The following DAGLB variants were observed in gnomAD, a reference collection of about 807,000 sequenced individuals.
DAGLB encodes the protein diacylglycerol lipase beta.
A neutral mutation model predicts 72.1 loss-of-function variants in DAGLB; 66 were observed. The observed-to-expected ratio is 0.92, with a 90% confidence interval of 0.75 to 1.12. DAGLB has a LOEUF of 1.12. Ranked by LOEUF, DAGLB falls within the 50% of genes most tolerant of loss-of-function variation. The pLI is 0.00. For synonymous variants in DAGLB, 414 were observed against 359.5 expected, an observed-to-expected ratio of 1.15 and a Z score of -1.71; for missense variants, 1,065 against 884.9, an observed-to-expected ratio of 1.20 and a Z score of -2.58.
rs1562479268 is a variant in DAGLB, at chr7:6,416,639, C to T, written c.1415G>A (p.Arg472Gln). ...QVRCYAFSPP[R>Q]GLWSKALQEY... ...AACAAAGGCTCACCTCCACAGCCCC[C>T]GGGGTGGGGAGAAGGCGTAGCACCT... The change falls in exon 11 of 15, where the codon CGG becomes CAG. Residue 472 changes from arginine (R) to glutamine (Q), a missense_variant. Physicochemically the swap from Arg to Gln is conservative, Grantham distance 43. Transcript: ENST00000297056. The T allele has an allele frequency of 7.5e-6, 12 of 1,609,360 alleles. No individual in the cohort carries two copies. The highest frequency in any genetic ancestry group is 6.7e-5 in the African/African-American group (5 of 74,790).
chr7:6,415,633 A>T (rs1783882942), intron 11 of DAGLB, among the ~76,000 whole-genome samples: 1 of 151,260 alleles, frequency 6.6e-6, no homozygotes, highest in African/African-American at 2.4e-5. Flanking sequence ...GTCAGAAGAC[A>T]GGAGATCGAG....
At chr7:6,446,763 C>G (rs1785019229) in intron 1 of DAGLB, among the ~76,000 whole-genome samples, 1 of 151,478 alleles carries the variant, frequency 6.6e-6, no homozygotes, top group Non-Finnish European at 1.5e-5. Flanking sequence ...AATCCTAGCA[C>G]TTTGGGAGGC....
In DAGLB at chr7:6,409,405, T is replaced by C. The variant is rs1017325327; in HGVS notation, c.*432A>G. The C allele has an allele frequency of 8.7e-5, 15 of 173,122 alleles. No individual in the cohort carries two copies. The highest frequency in any genetic ancestry group is 2.6e-4 in the African/African-American group (11 of 41,926). 10.7% of individuals were successfully genotyped at this position (173,122 alleles called of 1,614,324 possible). ...CCCTCACCACAGTTCCATTTGTACATCCAGGAAGCCCAGTTTGAAAAACAA... is the reference window on the plus strand; with the variant it reads ...CCCTCACCACAGTTCCATTTGTACACCCAGGAAGCCCAGTTTGAAAAACAA... On this transcript the variant is annotated 3_prime_UTR_variant, in exon 15 of 15. Transcript: ENST00000297056.
chr7:6,441,282 G>A lies in DAGLB; in HGVS notation c.247+4671C>T, dbSNP rs188315749. Reference sequence around the variant, plus strand: ...ATTTTTTGTACTTTTTAGTAGAGACGGGGTTTCACCATGTTAGCCAGGATG... The same window carrying A: ...ATTTTTTGTACTTTTTAGTAGAGACAGGGTTTCACCATGTTAGCCAGGATG... On this transcript the variant is annotated intron_variant, in intron 2 of 14. Transcript: ENST00000297056. 1.9e-4 allele frequency among the ~76,000 whole-genome samples: 28 copies of A among 151,130 alleles called. 1 individual carries two copies. The highest frequency in any genetic ancestry group is 1.7e-3 in the Admixed American group (26 of 15,128).
Position 6,436,416 on chromosome 7 carries a change from C to T in DAGLB, c.365G>A (p.Gly122Asp). Reference sequence around the variant, plus strand: ...TACAACTGTCCTGTCGCACTGAACACCATCTGCCACCCAGGCAGCCCCCAG... The same window carrying T: ...TACAACTGTCCTGTCGCACTGAACATCATCTGCCACCCAGGCAGCCCCCAG... ...ASLGAAWVAD[G>D]VQCDRTVVNG... Residue 122 changes from glycine (G) to aspartate (D), a missense_variant, in exon 3 of 15, where the codon GGT becomes GAT. Coordinates refer to ENST00000297056, the MANE Select transcript of DAGLB (RefSeq NM_139179.4). The T allele has an allele frequency of 1.9e-6, 3 of 1,614,140 alleles. No homozygotes were observed. Among genetic ancestry groups the T allele is most frequent in the South Asian group, 1.1e-5 (1 of 91,072 alleles).
chr7:6,445,817 A>G, intron 2 of DAGLB, 136 bp downstream of exon 2: 1 of 975,768 alleles, frequency 1.0e-6, no homozygotes, highest in Non-Finnish European at 1.4e-6. Context: ...GATGATGGTG[A>G]TGGCTGCACA....
At chr7:6,429,487 A>G (rs1784411067) in intron 6 of DAGLB, among the ~76,000 whole-genome samples, 2 of 151,942 alleles carry the variant, frequency 1.3e-5, no homozygotes, top group African/African-American at 4.8e-5. Context: ...GGGGCTGGGC[A>G]CAGTGGCTCA....
At chr7:6,411,955 A>G (rs1017572774) in intron 13 of DAGLB, among the ~76,000 whole-genome samples, 3 of 121,326 alleles carry the variant, frequency 2.5e-5, no homozygotes, top group African/African-American at 1.2e-4. Flanking sequence ...ACAGAGCCTC[A>G]CTCTATCCAA....
At position 6,410,365 on chromosome 7, in the gene DAGLB, G is replaced by T. The variant is rs749607702; in HGVS notation, c.1585C>A (p.His529Asn). ...CCAAACAGTTCGTACCACAAACCGT[G>T]CAGCAAGATCTTGTACTGAGGGCGA... is the stretch of plus-strand genomic sequence containing the variant. ...CNKPKYKILL[H>N]GLWYELFGGN... Residue 529 changes from histidine (H) to asparagine (N), a missense_variant, in exon 14 of 15, where the codon CAC (histidine) becomes AAC (asparagine). Physicochemically the swap from His to Asn is moderately conservative, Grantham distance 68. Coordinates refer to ENST00000297056, the MANE Select transcript of DAGLB (RefSeq NM_139179.4). 1.9e-6 allele frequency: 3 copies of T among 1,612,708 alleles called. No homozygotes were observed. In the African/African-American group the frequency reaches 4.0e-5, roughly 22 times the overall value.
In DAGLB at chr7:6,410,140, C is replaced by T. The variant is rs867702263; in HGVS notation, c.1810G>A (p.Ala604Thr). Residue 604 changes from alanine to threonine, a missense_variant, in exon 14 of 15, where the codon GCC (alanine) becomes ACC (threonine). Coordinates refer to ENST00000297056, the MANE Select transcript of DAGLB (RefSeq NM_139179.4). ...GRIIHLQEEG[A>T]SGRFGCCSAA... Reference sequence around the variant, plus strand: ...CCACGCCGCACTCACCGCCCCGAGGCGCCCTCCTCCTGCAGGTGGATGATC... The same window carrying T: ...CCACGCCGCACTCACCGCCCCGAGGTGCCCTCCTCCTGCAGGTGGATGATC... 1.4e-5 allele frequency: 22 copies of T among 1,572,336 alleles called. No homozygotes were observed. In the Middle Eastern group the frequency reaches 8.5e-4, roughly 61 times the overall value.
intron 6 of DAGLB, among the ~76,000 whole-genome samples, chr7:6,427,957 A>T (rs1158162647): frequency 3.3e-5 from 5 of 152,220 alleles, no homozygotes; most frequent in African/African-American, 9.6e-5. Context: ...TAATTTAAGA[A>T]TCTATAAATC....
chr7:6,437,891 C>T (rs972501452), intron 2 of DAGLB, among the ~76,000 whole-genome samples: 1 of 152,192 alleles, frequency 6.6e-6, no homozygotes, highest in African/African-American at 2.4e-5. Context: ...ATCTGCCCGC[C>T]TTTGCCTCGC....
chr7:6,410,055 A>G lies in DAGLB; in HGVS notation c.1821-20T>C. The G allele has an allele frequency of 2.5e-6, 4 of 1,606,336 alleles. No homozygotes were observed. The highest frequency in any genetic ancestry group is 3.4e-6 in the Non-Finnish European group (4 of 1,175,398). On this transcript the variant is annotated intron_variant, in intron 14 of 14. Transcript: ENST00000297056. ...CCAAACCTGAAGCAGAAAAGGAGAG[A>G]CAGCTCCCACGCGGCCCCAGGGCTG...
intron 11 of DAGLB, among the ~76,000 whole-genome samples, chr7:6,413,687 G>T (rs1201724334): frequency 6.6e-6 from 1 of 151,664 alleles, no homozygotes; most frequent in Non-Finnish European, 1.5e-5. Context: ...GAGGCAACAG[G>T]CGATTCACTG....
chr7:6,428,672 A>G (rs1295691498), intron 6 of DAGLB, among the ~76,000 whole-genome samples: 1 of 151,936 alleles, frequency 6.6e-6, no homozygotes, highest in Non-Finnish European at 1.5e-5. Context: ...TTTTTAGTAG[A>G]GACGGGGTGT....
At chr7:6,416,024 C>A (rs1783901903) in intron 11 of DAGLB, among the ~76,000 whole-genome samples, 1 of 151,712 alleles carries the variant, frequency 6.6e-6, no homozygotes, top group Non-Finnish European at 1.5e-5. Flanking sequence ...GACCCCTCTG[C>A]CAGGGCTGTG....
At chr7:6,431,819 T>G (rs967468579) in intron 5 of DAGLB, among the ~76,000 whole-genome samples, 2 of 152,084 alleles carry the variant, frequency 1.3e-5, no homozygotes, top group Non-Finnish European at 2.9e-5. Flanking sequence ...TGGCCAGGAA[T>G]GGGTTCCCAC....
chr7:6,420,070 C>A (rs1176950522), intron 9 of DAGLB, among the ~76,000 whole-genome samples: 1 of 152,076 alleles, frequency 6.6e-6, no homozygotes, highest in Non-Finnish European at 1.5e-5. Flanking sequence ...TCACTTGAAC[C>A]TGGGAGATGG....
intron 9 of DAGLB, chr7:6,417,533 AGC>A (rs1783960188): frequency 6.6e-6 from 1 of 152,370 alleles, no homozygotes; most frequent in South Asian, 2.1e-4. Flanking sequence ...AATTTACTTC[AGC>A]CAAGTTCCTA....
Sources: gnomAD v4.1 joint callset for allele counts (sites outside exome capture counted in the v4.1 genomes callset) on GRCh38, gnomAD v4.1.1 for gene constraint, MANE v1.5 for transcripts, NCBI Gene and HGNC (gene_info 2026-07-23, HGNC 2026-07-21) for gene names.